The following PPARGC1A variants were observed in gnomAD, a reference collection of about 807,000 sequenced individuals.
PPARGC1A encodes the protein PPARG coactivator 1 alpha.
A neutral mutation model predicts 88.7 loss-of-function variants in PPARGC1A; 25 were observed. That is an observed-to-expected ratio of 0.28 (90% CI 0.21 to 0.39). The LOEUF is 0.39. Among genes scored for constraint, PPARGC1A ranks in the 10% least tolerant of loss-of-function variants. The probability of loss-of-function intolerance (pLI) is 1.00; values close to 1 mark genes in which losing one functional copy is unlikely to be tolerated. For missense variants in PPARGC1A, 880 were observed against 968.7 expected (o/e 0.91, Z 1.22); for synonymous variants, 363 against 355.6 (o/e 1.02, Z -0.24).
the PPARGC1A span, among the ~76,000 whole-genome samples, chr4:24,299,463 C>T: frequency 6.6e-6 from 1 of 152,080 alleles, no homozygotes; most frequent in East Asian, 1.9e-4. Flanking sequence ...TTTAAGGTTG[C>T]AGAATGCCCT....
At chr4:23,858,537 G>C (rs1192397753) in intron 2 of PPARGC1A, among the ~76,000 whole-genome samples, 1 of 152,196 alleles carries the variant, frequency 6.6e-6, no homozygotes, top group African/African-American at 2.4e-5. Context: ...GGGATACAAA[G>C]AGAAGAGAAG....
At chr4:23,881,159 T>C (rs1236327476) in intron 2 of PPARGC1A, 1 of 152,240 alleles carries the variant, frequency 6.6e-6, no homozygotes, top group East Asian at 1.9e-4. Context: ...AAGGAAGTTA[T>C]GTTGCAATAT....
At chr4:24,104,015 C>T in the PPARGC1A span, among the ~76,000 whole-genome samples, 1 of 152,104 alleles carries the variant, frequency 6.6e-6, no homozygotes, top group Non-Finnish European at 1.5e-5. Flanking sequence ...GGATGTGGCC[C>T]CTATATTTAG....
intron 2 of PPARGC1A, 94 bp from the exon 3 acceptor site, chr4:23,831,845 C>T (rs958778262): frequency 1.3e-4 from 129 of 989,712 alleles, no homozygotes; most frequent in Admixed American, 7.3e-4. Flanking sequence ...GTGAACCATA[C>T]GTGAAATCTA....
the PPARGC1A span, among the ~76,000 whole-genome samples, chr4:24,239,743 T>C: frequency 1.3e-5 from 2 of 152,200 alleles, no homozygotes; most frequent in East Asian, 1.9e-4. Flanking sequence ...AAACCACTTT[T>C]CTTTGCACAC....
At chr4:24,269,062 T>C in the PPARGC1A span, among the ~76,000 whole-genome samples, 1 of 152,346 alleles carries the variant, frequency 6.6e-6, no homozygotes, top group African/African-American at 2.4e-5. Context: ...CTACTCTCTC[T>C]AATATAGTTT....
the PPARGC1A span, among the ~76,000 whole-genome samples, chr4:24,175,800 G>A: frequency 1.3e-5 from 2 of 151,286 alleles, no homozygotes; most frequent in African/African-American, 2.4e-5. Flanking sequence ...TTTTAATCCC[G>A]CTCTTATCTT....
chr4:24,095,413 C>A, the PPARGC1A span, among the ~76,000 whole-genome samples: 1 of 152,030 alleles, frequency 6.6e-6, no homozygotes, highest in Non-Finnish European at 1.5e-5. Context: ...CATAAGCCAC[C>A]ACACCCGGCC....
At chr4:24,270,172 A>G in the PPARGC1A span, among the ~76,000 whole-genome samples, 24 of 152,134 alleles carry the variant, frequency 1.6e-4, no homozygotes, top group Non-Finnish European at 2.8e-4. Context: ...ACCATCTGCT[A>G]TCTTGATCCC....
the PPARGC1A span, among the ~76,000 whole-genome samples, chr4:23,996,585 C>T: frequency 1.3e-5 from 2 of 152,134 alleles, no homozygotes; most frequent in Non-Finnish European, 2.9e-5. Context: ...TCTCCTCTCC[C>T]AACCCCACTC....
upstream of PPARGC1A, among the ~76,000 whole-genome samples, chr4:23,899,789 C>A (rs1719070980): frequency 6.6e-6 from 1 of 152,116 alleles, no homozygotes; most frequent in African/African-American, 2.4e-5. Flanking sequence ...CAGGGAGAAC[C>A]ACAGTCAACC....
intron 1 of PPARGC1A, 53 bp downstream of exon 1, chr4:23,889,851 A>G: frequency 3.1e-6 from 5 of 1,599,278 alleles, no homozygotes; most frequent in Non-Finnish European, 4.3e-6. Context: ...GAATAATAGC[A>G]TCTGAGGGAA....
chr4:23,863,871 C>T (rs534282881), intron 2 of PPARGC1A, among the ~76,000 whole-genome samples: 8 of 152,216 alleles, frequency 5.3e-5, no homozygotes, highest in African/African-American at 1.9e-4. Context: ...CTCAGCTTTC[C>T]CAGTAGCTGG....
At chr4:24,227,287 G>C in the PPARGC1A span, among the ~76,000 whole-genome samples, 1 of 151,904 alleles carries the variant, frequency 6.6e-6, no homozygotes, top group Non-Finnish European at 1.5e-5. Flanking sequence ...GGGTTTCACT[G>C]TGTTGCCCAG....
the PPARGC1A span, among the ~76,000 whole-genome samples, chr4:24,312,108 A>G: frequency 6.6e-6 from 1 of 152,202 alleles, no homozygotes; most frequent in Non-Finnish European, 1.5e-5. Context: ...ATCACTAGAC[A>G]TTCTTTAAGC....
intron 2 of PPARGC1A, among the ~76,000 whole-genome samples, chr4:23,852,489 G>T (rs1729477783): frequency 6.6e-6 from 1 of 152,030 alleles, no homozygotes; most frequent in Non-Finnish European, 1.5e-5. Context: ...CCCCATCAAG[G>T]CCACATCACT....
the PPARGC1A span, among the ~76,000 whole-genome samples, chr4:24,004,895 G>C: frequency 3.3e-5 from 5 of 152,158 alleles, no homozygotes; most frequent in Non-Finnish European, 7.4e-5. Flanking sequence ...TGTTTGATGA[G>C]AGGGTTAAAA....
chr4:23,819,910 C>G (rs1453094511), intron 7 of PPARGC1A, among the ~76,000 whole-genome samples: 1 of 152,096 alleles, frequency 6.6e-6, no homozygotes, highest in Non-Finnish European at 1.5e-5. Flanking sequence ...CGACAACTAC[C>G]CATATTTTAC....
intron 10 of PPARGC1A, among the ~76,000 whole-genome samples, chr4:23,803,919 C>A (rs897784348): frequency 1.3e-5 from 2 of 152,098 alleles, no homozygotes; most frequent in Admixed American, 6.5e-5. Flanking sequence ...TTTTCTTATG[C>A]CCAGTATTTG....
Sources: allele counts gnomAD v4.1 joint callset (sites outside exome capture counted in the v4.1 genomes callset), GRCh38; gene constraint gnomAD v4.1.1; transcripts MANE v1.5; gene names NCBI Gene and HGNC (gene_info 2026-07-23, HGNC 2026-07-21).